Variants in PTPN5 observed in about 807,000 individuals in gnomAD.
PTPN5 encodes the protein protein tyrosine phosphatase non-receptor type 5.
A neutral mutation model predicts 73.9 loss-of-function variants in PTPN5; 29 were observed. That is an observed-to-expected ratio of 0.39 (90% CI 0.29 to 0.54). The LOEUF (loss-of-function observed/expected upper bound fraction) is 0.54, where lower values mean the gene tolerates loss of function less well. PTPN5 is among the 20% of genes least tolerant of loss of function. PTPN5 has a pLI of 0.65. For synonymous variants in PTPN5, 267 were observed against 304.7 expected (o/e 0.88, Z 1.29); for missense variants, 652 against 751.4 (o/e 0.87, Z 1.55).
chr11:18,761,722 C>T (rs920845604), intron 3 of PTPN5, among the ~76,000 whole-genome samples: 2 of 151,890 alleles, frequency 1.3e-5, no homozygotes, highest in Non-Finnish European at 2.9e-5. Context: ...CAAGAGTGTG[C>T]GTGAAGAAGG....
At chr11:18,763,153 C>T (rs539903553) in intron 3 of PTPN5, among the ~76,000 whole-genome samples, 15 of 152,296 alleles carry the variant, frequency 9.8e-5, no homozygotes, top group Admixed American at 9.2e-4. Context: ...GAGGGTCACA[C>T]AACTTGCTCG....
At chr11:18,770,169 A>G (rs917561981) in intron 2 of PTPN5, among the ~76,000 whole-genome samples, 1 of 152,236 alleles carries the variant, frequency 6.6e-6, no homozygotes, top group Non-Finnish European at 1.5e-5. Flanking sequence ...CAACATTTTG[A>G]CCATTTTAAA....
chr11:18,746,613 G>T (rs1351493492), intron 3 of PTPN5, among the ~76,000 whole-genome samples: 1 of 152,072 alleles, frequency 6.6e-6, no homozygotes, highest in African/African-American at 2.4e-5. Flanking sequence ...TCTTCAAAAG[G>T]CTCCAGTCTC....
intron 8 of PTPN5, chr11:18,740,333 G>C: frequency 6.8e-6 from 2 of 296,094 alleles, no homozygotes; most frequent in Admixed American, 5.2e-5. Context: ...CATTGTCACT[G>C]TACCTCCATC....
rs752670393 is a variant in PTPN5, at chr11:18,732,659, C to T, written c.1262G>A (p.Gly421Asp). 8.1e-6 allele frequency: 13 copies of T among 1,613,966 alleles called. No homozygotes were observed. In the South Asian group the frequency reaches 1.2e-4, roughly 15 times the overall value. The change falls in exon 12 of 15, where the codon GGT (glycine) becomes GAT (aspartate). Residue 421 changes from glycine to aspartate, a missense_variant. Gly to Asp is a moderately conservative substitution (Grantham distance 94, BLOSUM62 -1). Around this residue, in one of 3 missense-constraint regions of PTPN5, gnomAD observed 529 missense variants for 573.9 expected, o/e 0.92. Transcript: ENST00000358540. ...GACTTTCTGCACAGTGATCTCAACA[C>T]CGTCGTACGCCACCTGCTCCTCCGG... Reference protein sequence around the residue: ...YWPEEQVAYDGVEITVQKVIH... With the variant: ...YWPEEQVAYDDVEITVQKVIH...
chr11:18,733,389 C>T lies in PTPN5; in HGVS notation c.1081-17G>A, dbSNP rs755689346. 3.7e-6 allele frequency: 6 copies of T among 1,611,940 alleles called. No homozygotes were observed. Among genetic ancestry groups the T allele is most frequent in the Non-Finnish European group, 5.1e-6 (6 of 1,178,210 alleles). ...ACCATAGCCCTGCGGCCAGCCAAGT[C>T]CAGGCTGTCAGGGTCAGAGGCAGTG... is the stretch of plus-strand genomic sequence containing the variant. On this transcript the variant is annotated splice_polypyrimidine_tract_variant and intron_variant, in intron 10 of 14. Transcript: ENST00000358540. This position sits in a 1 kb window ranked among gnomAD's most constrained non-coding sequence, Gnocchi z 4.3.
intron 3 of PTPN5, among the ~76,000 whole-genome samples, chr11:18,760,985 C>T (rs997160612): frequency 6.6e-6 from 1 of 152,248 alleles, no homozygotes; most frequent in East Asian, 1.9e-4. Context: ...CTCCTGCTTA[C>T]GCATCTTCAG....
intron 3 of PTPN5, among the ~76,000 whole-genome samples, chr11:18,747,008 C>T (rs1590529832): frequency 6.6e-6 from 1 of 152,198 alleles, no homozygotes; most frequent in East Asian, 1.9e-4. Context: ...TTGGGCAATC[C>T]CTTCTTCTCC....
chr11:18,756,071 G>C (rs1293361642), intron 3 of PTPN5, among the ~76,000 whole-genome samples: 1 of 151,408 alleles, frequency 6.6e-6, no homozygotes, highest in Non-Finnish European at 1.5e-5. Flanking sequence ...AGCCCAAATA[G>C]GGCTGAGATG....
intron 2 of PTPN5, among the ~76,000 whole-genome samples, chr11:18,768,945 T>A (rs1850756846): frequency 6.6e-6 from 1 of 152,076 alleles, no homozygotes; most frequent in Admixed American, 6.5e-5. Context: ...TCCCCACTTC[T>A]ATCAGCCAGG....
intron 8 of PTPN5, among the ~76,000 whole-genome samples, chr11:18,740,054 G>C (rs114576231): frequency 6.6e-6 from 1 of 152,284 alleles, no homozygotes; most frequent in African/African-American, 2.4e-5. Context: ...GCTCTTAACT[G>C]GCTGAGCACT....
chr11:18,752,669 G>C (rs921325333), intron 3 of PTPN5, among the ~76,000 whole-genome samples: 3 of 152,274 alleles, frequency 2.0e-5, no homozygotes, highest in Non-Finnish European at 4.4e-5. Context: ...TGCAAACAAA[G>C]GCTCAGTTCT....
At chr11:18,747,900 T>C (rs574708391) in intron 3 of PTPN5, among the ~76,000 whole-genome samples, 46 of 152,342 alleles carry the variant, frequency 3.0e-4, no homozygotes, top group African/African-American at 1.1e-3. Flanking sequence ...CAGTAAGTGC[T>C]TAATAAATGT....
intron 9 of PTPN5, among the ~76,000 whole-genome samples, chr11:18,735,480 A>G (rs1274777868): frequency 2.0e-5 from 3 of 152,082 alleles, no homozygotes; most frequent in Non-Finnish European, 4.4e-5. Flanking sequence ...GTGAGGCTGG[A>G]GAGGAACCAG....
Position 18,728,966 on chromosome 11 carries a change from C to T in PTPN5, c.1666G>A (p.Glu556Lys), listed in dbSNP as rs748561321. The T allele has an allele frequency of 8.7e-6, 14 of 1,613,352 alleles. No homozygotes were observed. In the African/African-American group the frequency reaches 1.3e-4, roughly 15 times the overall value. Residue 556 changes from glutamate (E) to lysine (K), a missense_variant, in exon 15 of 15, where the codon GAA (glutamate) becomes AAA (lysine). Glu to Lys is a moderately conservative substitution (Grantham distance 56, BLOSUM62 1). Coordinates refer to ENST00000358540, the MANE Select transcript of PTPN5 (RefSeq NM_006906.2). The surrounding 1 kb of genome is among the most constrained non-coding windows in gnomAD (Gnocchi z 4.1). ...QFVHHVMSLYEKQLSHQSPE is the reference protein window; with the variant it reads ...QFVHHVMSLYKKQLSHQSPE ...GGGGACTGGTGGGACAGCTGCTTTTCGTAGAGGCTCATGACGTGGTGCACA... is the reference window on the plus strand; with the variant it reads ...GGGGACTGGTGGGACAGCTGCTTTTTGTAGAGGCTCATGACGTGGTGCACA...
At chr11:18,779,785 C>A (rs1851337990) in intron 1 of PTPN5, among the ~76,000 whole-genome samples, 1 of 152,194 alleles carries the variant, frequency 6.6e-6, no homozygotes, top group South Asian at 2.1e-4. Context: ...CAACCCTGGT[C>A]CTCCGGGAAA....
At chr11:18,782,699 T>C (rs910594614) in intron 1 of PTPN5, among the ~76,000 whole-genome samples, 1 of 152,234 alleles carries the variant, frequency 6.6e-6, no homozygotes, top group Admixed American at 6.5e-5. Flanking sequence ...GATGGTTATA[T>C]GAGCTCATGC....
At chr11:18,784,486 T>A (rs531837703) in intron 1 of PTPN5, among the ~76,000 whole-genome samples, 1 of 152,136 alleles carries the variant, frequency 6.6e-6, no homozygotes, top group East Asian at 1.9e-4. Context: ...CACCAGAGGC[T>A]GGGGGAGATG....
rs373810982 is a variant in PTPN5, at chr11:18,746,162, A to T, written c.98-1963T>A. Among the ~76,000 whole-genome samples the T allele has an allele frequency of 2.7e-3, 185 of 67,558 alleles. 1 individual carries two copies. The highest frequency in any genetic ancestry group is 0.013 in the Middle Eastern group (1 of 76). 44.3% of individuals were successfully genotyped at this position (67,558 alleles called of 152,430 possible). A position where few individuals can be genotyped will look rare whatever the true frequency, so the allele number is the denominator to read the frequency against. ...ACTTTGAAAAGCTGTTATAAATATAAATATATATATATATATATATATATA... is the reference window on the plus strand; with the variant it reads ...ACTTTGAAAAGCTGTTATAAATATATATATATATATATATATATATATATA... On this transcript the variant is annotated intron_variant, in intron 3 of 14. Transcript: ENST00000358540.
Sources: gnomAD v4.1 joint callset for allele counts (sites outside exome capture counted in the v4.1 genomes callset) on GRCh38, gnomAD v4.1.1 for gene constraint, gnomAD v4.1.1 regional missense constraint, Gnocchi (gnomAD v3.1) non-coding constraint, MANE v1.5 for transcripts, NCBI Gene and HGNC (gene_info 2026-07-23, HGNC 2026-07-21) for gene names.